The following UGT1A3 variants were observed in gnomAD, a reference collection of about 807,000 sequenced individuals.
UGT1A3 encodes UDP glucuronosyltransferase family 1 member A3.
Under a neutral mutation model 41.0 loss-of-function variants are expected in UGT1A3, and 31 were observed. The observed-to-expected ratio is 0.76, with a 90% CI of 0.57 to 1.02. UGT1A3 has a LOEUF of 1.02. Among genes scored for constraint, UGT1A3 ranks in the 50% least tolerant of loss-of-function variants. UGT1A3 has a pLI of 0.00. For missense variants in UGT1A3, 737 were observed against 671.0 expected, an observed-to-expected ratio of 1.10 and a Z score of -1.09; for synonymous variants, 262 against 257.6, an observed-to-expected ratio of 1.02 and a Z score of -0.17.
chr2:233,744,158 C>T (rs1163100045), intron 1 of UGT1A3: 5 of 297,370 alleles, frequency 1.7e-5, no homozygotes, highest in Admixed American at 4.5e-5. Context: ...GACCAGGCCC[C>T]GCCCACTCCG....
chr2:233,769,487 TTA>T lies in UGT1A3; in HGVS notation c.1307+1050_1307+1051del. On this transcript the variant is annotated intron_variant, in intron 4 of 4. Coordinates refer to ENST00000482026, the MANE Select transcript of UGT1A3 (RefSeq NM_019093.4). This position sits in a 1 kb window ranked among gnomAD's most constrained non-coding sequence, Gnocchi z 4.4. ...TGCGTGTGTGTGTGTGTGCGTGTGT[TTA>T]TGAGAGTGTCCATTGCTTTCTCCCA... The T allele has an allele frequency of 1.2e-6, 2 of 1,612,452 alleles. No individual in the cohort carries two copies. The highest frequency in any genetic ancestry group is 1.7e-6 in the Non-Finnish European group (2 of 1,179,688).
chr2:233,752,472 A>C (rs185071344), intron 1 of UGT1A3: 1 of 152,238 alleles, frequency 6.6e-6, no homozygotes, highest in Non-Finnish European at 1.5e-5. Context: ...GGCCTCTAGC[A>C]GTGTTATGTT....
At chr2:233,765,919 C>T (rs1268265280) in intron 1 of UGT1A3, among the ~76,000 whole-genome samples, 1 of 152,104 alleles carries the variant, frequency 6.6e-6, no homozygotes, top group Non-Finnish European at 1.5e-5. Flanking sequence ...GGGGAGCATA[C>T]AGACGGGCAG....
Position 233,772,682 on chromosome 2 carries a change from G to T in UGT1A3, c.*123G>T. 2.0e-6 allele frequency: 3 copies of T among 1,494,758 alleles called. No individual in the cohort carries two copies. Among genetic ancestry groups the T allele is most frequent in the East Asian group, 2.5e-5 (1 of 40,656 alleles). 92.6% of individuals were successfully genotyped at this position (1,494,758 alleles called of 1,614,324 possible). A position where few individuals can be genotyped will look rare whatever the true frequency, so the allele number is the denominator to read the frequency against. ...GGAAATACTTTGCATAAATTAATCA[G>T]CCCCAGAGTGCTTTAAAAAATTCTC... On this transcript the variant is annotated 3_prime_UTR_variant, in exon 5 of 5. Coordinates refer to ENST00000482026, the MANE Select transcript of UGT1A3 (RefSeq NM_019093.4).
At chr2:233,740,774 A>AAAG (rs1357611508) in intron 1 of UGT1A3, 1 of 151,862 alleles carries the variant, frequency 6.6e-6, no homozygotes, top group African/African-American at 2.4e-5. Flanking sequence ...CCGTTGTATA[A>AAAG]AAGATGAATA....
intron 1 of UGT1A3, among the ~76,000 whole-genome samples, chr2:233,762,044 CATTTTCCTTCATAGCACATCAAATA>C (rs1208875045): frequency 1.3e-5 from 2 of 152,198 alleles, no homozygotes; most frequent in East Asian, 1.9e-4. Context: ...ATTTTCTGTG[CATTTTCCTTCATAGCACATCAAATA>C]TGGCAGCCAT....
intron 1 of UGT1A3, among the ~76,000 whole-genome samples, chr2:233,733,728 TG>T (rs1325830019): frequency 1.3e-5 from 2 of 152,260 alleles, no homozygotes; most frequent in Admixed American, 6.5e-5. Flanking sequence ...TGAGGATTTT[TG>T]CATCGATGTT....
At position 233,744,967 on chromosome 2, in the gene UGT1A3, CTTT is replaced by C. The variant is rs1270032038; in HGVS notation, c.867+14975_867+14977del. On this transcript the variant is annotated intron_variant, in intron 1 of 4. Transcript: ENST00000482026. ...TTGTATATAACCTACCAATATCCTTCTTTAAGCCTCTAGTCATCTCTTGATTAC... is the reference window on the plus strand; with the variant it reads ...TTGTATATAACCTACCAATATCCTTCAAGCCTCTAGTCATCTCTTGATTAC... Among the ~76,000 whole-genome samples the C allele has an allele frequency of 3.3e-5, 5 of 151,902 alleles. No individual in the cohort carries two copies. In the East Asian group the frequency reaches 9.6e-4, roughly 29 times the overall value.
rs186747767 is a variant in UGT1A3 at position 233,742,893 on chromosome 2, C to T, written c.867+12900C>T. ...AACCACCTGGCTCACACTTTCCCAA[C>T]GGAAAAAGGTAATGCTCAAAGTGCT... On this transcript the variant is annotated intron_variant, in intron 1 of 4. Transcript: ENST00000482026. The T allele has an allele frequency of 2.6e-3, 421 of 164,252 alleles. 10 individuals carry two copies. The highest frequency in any genetic ancestry group is 8.8e-3 in the African/African-American group (363 of 41,448). 10.2% of individuals were successfully genotyped at this position (164,252 alleles called of 1,614,324 possible). A position where few individuals can be genotyped will look rare whatever the true frequency, so the allele number is the denominator to read the frequency against.
At chr2:233,760,797 C>T in intron 1 of UGT1A3, 1 of 1,613,492 alleles carries the variant, frequency 6.2e-7, no homozygotes, top group Non-Finnish European at 8.5e-7. Context: ...CCACTGTATT[C>T]TTCTTGCATG....
intron 1 of UGT1A3, among the ~76,000 whole-genome samples, chr2:233,754,048 T>C (rs1329917116): frequency 6.6e-6 from 1 of 152,254 alleles, no homozygotes; most frequent in Non-Finnish European, 1.5e-5. Flanking sequence ...TTGCCAGGTT[T>C]ACCTGCTTTT....
chr2:233,752,202 T>G (rs1037176887), intron 1 of UGT1A3: 1 of 152,188 alleles, frequency 6.6e-6, no homozygotes, highest in African/African-American at 2.4e-5. Context: ...TGTGTTGAAC[T>G]CCAGCCAGAA....
rs187768174 is a variant in UGT1A3, at chr2:233,743,103, C to T, written c.867+13110C>T. 4.1e-3 allele frequency: 1,437 copies of T among 353,348 alleles called. 18 individuals carry two copies. Among genetic ancestry groups the T allele is most frequent in the South Asian group, 0.019 (861 of 45,444 alleles). 21.9% of individuals were successfully genotyped at this position (353,348 alleles called of 1,614,324 possible). A position where few individuals can be genotyped will look rare whatever the true frequency, so the allele number is the denominator to read the frequency against. ...AGTGTTTATAAATTCTTGGGTACAG[C>T]TGTTCTGAAAGTAAAGTTCACTTTC... On this transcript the variant is annotated intron_variant, in intron 1 of 4. Transcript: ENST00000482026.
At chr2:233,743,665 C>A (rs1373066127) in intron 1 of UGT1A3, 1 of 1,367,124 alleles carries the variant, frequency 7.3e-7, no homozygotes, top group Non-Finnish European at 9.8e-7. Flanking sequence ...CGAAGGGGTC[C>A]TCGAAGGGCC....
intron 1 of UGT1A3, among the ~76,000 whole-genome samples, chr2:233,759,016 T>G (rs1226235816): frequency 6.6e-6 from 1 of 152,208 alleles, no homozygotes; most frequent in Non-Finnish European, 1.5e-5. Context: ...TTAATTGAAT[T>G]TGCTTATCTA....
intron 1 of UGT1A3, chr2:233,755,135 T>A (rs1342380152): frequency 7.6e-7 from 1 of 1,315,532 alleles, no homozygotes; most frequent in African/African-American, 1.5e-5. Flanking sequence ...CCTGCTTGAA[T>A]CTTCTCACCG....
rs1184503727 is a variant in UGT1A3 at position 233,769,814 on chromosome 2, C to T, written c.1307+1375C>T. 17 of 933,346 alleles carry T rather than the reference C, an allele frequency of 1.8e-5. No homozygotes were observed. Among genetic ancestry groups the T allele is most frequent in the African/African-American group, 1.7e-5 (1 of 59,148 alleles). The allele number at this position is 933,346 out of a possible 1,614,324, so 57.8% of individuals were successfully genotyped here. Reference sequence around the variant, plus strand: ...AGGCTGCTATGAGCCGTGATCATGCCACTGCACTCCAGCAACCTGGGCAAC... The same window carrying T: ...AGGCTGCTATGAGCCGTGATCATGCTACTGCACTCCAGCAACCTGGGCAAC... On this transcript the variant is annotated intron_variant, in intron 4 of 4. Coordinates refer to ENST00000482026, the MANE Select transcript of UGT1A3 (RefSeq NM_019093.4). The surrounding 1 kb of genome is among the most constrained non-coding windows in gnomAD (Gnocchi z 4.4).
At chr2:233,748,216 G>A in intron 1 of UGT1A3, 1 of 1,478,190 alleles carries the variant, frequency 6.8e-7, no homozygotes, top group South Asian at 1.3e-5. Flanking sequence ...CCTTCAGTGA[G>A]ATAAACTGTT....
rs546323978 is a variant in UGT1A3, at chr2:233,743,185, G to C, written c.867+13192G>C. On this transcript the variant is annotated intron_variant, in intron 1 of 4. Transcript: ENST00000482026. ...TGTGCTTAAAGTCAAATGTGGACTG[G>C]AATTACTTGGTGTCAATGCGGAGTA... 3 of 372,746 alleles carry C rather than the reference G, an allele frequency of 8.0e-6. No homozygotes were observed. The East Asian group carries it at 2.2e-4, about 27-fold the overall frequency. The allele number at this position is 372,746 out of a possible 1,614,324, so 23.1% of individuals were successfully genotyped here.
Sources: gnomAD v4.1 joint callset for allele counts (sites outside exome capture counted in the v4.1 genomes callset) on GRCh38, gnomAD v4.1.1 for gene constraint, Gnocchi (gnomAD v3.1) non-coding constraint, MANE v1.5 for transcripts, NCBI Gene and HGNC (gene_info 2026-07-23, HGNC 2026-07-21) for gene names.